The following PROS1 variants were observed in gnomAD, a reference collection of about 807,000 sequenced individuals.
PROS1 encodes protein S, also known as vitamin K-dependent protein S.
In PROS1, 29 loss-of-function variants were observed where a neutral mutation model predicts 75.9. That is an observed-to-expected ratio of 0.38 (90% CI 0.28 to 0.52). PROS1 has a LOEUF of 0.52. Among genes scored for constraint, PROS1 ranks in the 20% least tolerant of loss-of-function variants. PROS1 has a pLI of 0.83. For missense variants in PROS1, 680 were observed against 810.3 expected, an observed-to-expected ratio of 0.84 and a Z score of 1.95; for synonymous variants, 245 against 280.6, an observed-to-expected ratio of 0.87 and a Z score of 1.27.
At chr3:93,949,677 T>C (rs1383446502) in intron 1 of PROS1, among the ~76,000 whole-genome samples, 3 of 152,146 alleles carry the variant, frequency 2.0e-5, no homozygotes, top group Non-Finnish European at 4.4e-5. Flanking sequence ...AAAAAAAGAC[T>C]AATAAGGGTA....
chr3:93,915,722 T>G (rs1708835811), intron 3 of PROS1, among the ~76,000 whole-genome samples: 1 of 152,154 alleles, frequency 6.6e-6, no homozygotes, highest in Non-Finnish European at 1.5e-5. Flanking sequence ...CTACCAACAA[T>G]CTAATCATGA....
chr3:93,963,673 C>T (rs1341557073), intron 1 of PROS1, among the ~76,000 whole-genome samples: 5 of 150,898 alleles, frequency 3.3e-5, no homozygotes, highest in African/African-American at 1.2e-4. Context: ...AGCAGTGGAT[C>T]ACATGGCCAG....
At chr3:93,969,488 T>C (rs1344687572) in intron 1 of PROS1, among the ~76,000 whole-genome samples, 3 of 152,222 alleles carry the variant, frequency 2.0e-5, no homozygotes, top group Non-Finnish European at 4.4e-5. Flanking sequence ...TGTGCAATTC[T>C]AGTGAGCTGT....
chr3:93,886,252 T>C (rs1708344690), intron 11 of PROS1, 84 bp downstream of exon 11: 1 of 1,292,244 alleles, frequency 7.7e-7, no homozygotes, highest in Non-Finnish European at 1.1e-6. Flanking sequence ...CAACTTCTAT[T>C]GATTCTCAGA....
At chr3:93,886,910 C>CTTT (rs1297839394) in intron 10 of PROS1, among the ~76,000 whole-genome samples, 14 of 130,570 alleles carry the variant, frequency 1.1e-4, no homozygotes, top group Admixed American at 1.6e-4. Flanking sequence ...TAAATAAGTT[C>CTTT]TTTTTTTTTT....
intron 1 of PROS1, among the ~76,000 whole-genome samples, chr3:93,935,530 G>C (rs1576202936): frequency 6.6e-6 from 1 of 152,030 alleles, no homozygotes; most frequent in East Asian, 1.9e-4. Flanking sequence ...CACTTAAAAA[G>C]GCAACAGTAA....
intron 12 of PROS1, among the ~76,000 whole-genome samples, chr3:93,879,754 T>TC (rs1227618859): frequency 6.6e-6 from 1 of 152,220 alleles, no homozygotes; most frequent in Non-Finnish European, 1.5e-5. Flanking sequence ...ATATGATCTA[T>TC]ATACATAGGA....
intron 2 of PROS1, among the ~76,000 whole-genome samples, chr3:93,924,676 T>TG (rs1708990199): frequency 1.3e-5 from 2 of 151,812 alleles, no homozygotes; most frequent in African/African-American, 4.8e-5. Flanking sequence ...TTTTTTTTTT[T>TG]TTTTGAGACG....
chr3:93,897,556 G>A (rs1708520950), intron 8 of PROS1, among the ~76,000 whole-genome samples: 1 of 151,992 alleles, frequency 6.6e-6, no homozygotes, highest in African/African-American at 2.4e-5. Context: ...TTTCAATTAA[G>A]TAGTAACGTA....
intron 1 of PROS1, among the ~76,000 whole-genome samples, chr3:93,936,730 C>T (rs1709189848): frequency 6.6e-6 from 1 of 152,088 alleles, no homozygotes; most frequent in South Asian, 2.1e-4. Context: ...CCTGAGCAGA[C>T]TAATACACAA....
intron 10 of PROS1, among the ~76,000 whole-genome samples, chr3:93,889,107 A>G (rs1467768270): frequency 1.3e-5 from 2 of 152,154 alleles, no homozygotes; most frequent in African/African-American, 2.4e-5. Context: ...TTCTCATGAC[A>G]TGTGCTCTCA....
In PROS1 at chr3:93,898,797, T is replaced by C. The variant is rs140484321; in HGVS notation, c.728-228A>G. Among the ~76,000 whole-genome samples, 1,158 of 152,168 alleles carry C rather than the reference T, an allele frequency of 7.6e-3. 7 individuals carry two copies. The highest frequency in any genetic ancestry group is 0.011 in the Non-Finnish European group (759 of 67,956). On this transcript the variant is annotated intron_variant, in intron 7 of 14. Coordinates refer to ENST00000394236, the MANE Select transcript of PROS1 (RefSeq NM_000313.4). ...CATATTTGAAACAAAAATTAATTTA[T>C]AACTTTCAGTGATTAAGTAAAGTAT...
In PROS1 at chr3:93,973,774, A is replaced by C. The variant is rs1207745848; in HGVS notation, c.-25T>G. On this transcript the variant is annotated 5_prime_UTR_variant, in exon 1 of 15. Transcript: ENST00000394236. Reference sequence around the variant, plus strand: ...TTTCGAAGCGCGCGGAGGCGCCGGCAGGGACGGTGGCGCGTCGCGGCGGGG... The same window carrying C: ...TTTCGAAGCGCGCGGAGGCGCCGGCCGGGACGGTGGCGCGTCGCGGCGGGG... 1 of 1,600,886 alleles carries C rather than the reference A, an allele frequency of 6.2e-7. No homozygotes were observed. The highest frequency in any genetic ancestry group is 1.7e-5 in the Admixed American group (1 of 58,396).
intron 1 of PROS1, 136 bp from the exon 2 acceptor site, chr3:93,927,543 A>G (rs1303972686): frequency 4.7e-5 from 50 of 1,059,736 alleles, no homozygotes; most frequent in Non-Finnish European, 6.1e-5. Flanking sequence ...TCGAACTAAG[A>G]AAAAAATGCA....
chr3:93,911,004 C>T (rs1173390656), intron 3 of PROS1: 4 of 349,908 alleles, frequency 1.1e-5, no homozygotes, highest in East Asian at 6.7e-5. Context: ...AATTTATTGT[C>T]ATATAAGTCT....
At chr3:93,939,687 T>G (rs924263723) in intron 1 of PROS1, among the ~76,000 whole-genome samples, 1 of 152,134 alleles carries the variant, frequency 6.6e-6, no homozygotes, top group Non-Finnish European at 1.5e-5. Context: ...GTTTAGGCTC[T>G]TTTTCATCAA....
intron 1 of PROS1, among the ~76,000 whole-genome samples, chr3:93,932,692 G>A (rs762317379): frequency 2.0e-5 from 3 of 152,068 alleles, no homozygotes; most frequent in Non-Finnish European, 4.4e-5. Flanking sequence ...TCATGTGGGG[G>A]GTAAGTCTTT....
At chr3:93,904,028 A>T (rs539929310) in intron 6 of PROS1, among the ~76,000 whole-genome samples, 166 of 131,884 alleles carry the variant, frequency 1.3e-3, no homozygotes, top group Middle Eastern at 0.013. Flanking sequence ...ATGTGATCTC[A>T]TTGTTCAATT....
chr3:93,880,645 G>A (rs1708263527), intron 12 of PROS1, among the ~76,000 whole-genome samples: 1 of 152,086 alleles, frequency 6.6e-6, no homozygotes, highest in South Asian at 2.1e-4. Context: ...AGGGTAATTG[G>A]AATTTCTATC....
Sources: gnomAD v4.1 joint callset for allele counts (sites outside exome capture counted in the v4.1 genomes callset) on GRCh38, gnomAD v4.1.1 for gene constraint, MANE v1.5 for transcripts, NCBI Gene and HGNC (gene_info 2026-07-23, HGNC 2026-07-21) for gene names.